FUT9: variants seen among roughly 807,000 people sequenced by gnomAD.
FUT9 encodes 4-galactosyl-N-acetylglucosaminide 3-alpha-L-fucosyltransferase 9.
A neutral mutation model predicts 29.7 loss-of-function variants in FUT9; 15 were observed. The ratio of observed to expected loss-of-function variants is 0.51; its 90% CI spans 0.34 to 0.78. FUT9 has a LOEUF of 0.78. Ranked by LOEUF, FUT9 falls within the 30% of genes least tolerant of loss-of-function variation. The pLI, the probability that FUT9 is intolerant of heterozygous loss-of-function variation, is 0.01. For missense variants in FUT9, 319 were observed against 425.4 expected (o/e 0.75, Z 2.20); for synonymous variants, 169 against 153.7 (o/e 1.10, Z -0.74).
Position 96,203,353 on chromosome 6 carries a change from T to A in FUT9, c.198T>A (p.Ile66=). 6.2e-7 allele frequency: 1 copy of A among 1,613,836 alleles called. No homozygotes were observed. The highest frequency in any genetic ancestry group is 2.2e-5 in the East Asian group (1 of 44,858). Residue 66 remains isoleucine (I), a synonymous_variant, in exon 3 of 3, where the codon ATT becomes ATA. Coordinates refer to ENST00000302103, the MANE Select transcript of FUT9 (RefSeq NM_006581.4). ...CTGATTATTTTAATGAAACTACTAT[T>A]CTGGTGTGGGTGTGGCCATTTGGGC... ...TKTDYFNETT[I]LVWVWPFGQT...
In FUT9 at chr6:96,203,477, A is replaced by T; in HGVS notation, c.322A>T (p.Ile108Phe). Residue 108 changes from isoleucine (I) to phenylalanine (F), a missense_variant, in exon 3 of 3, where the codon ATC becomes TTC. Transcript: ENST00000302103. ...SLYNKSHAVL[I>F]HHRDISWDLT... ...GTACAACAAATCCCATGCAGTTCTGATCCATCACCGAGACATCAGTTGGGA... is the reference window on the plus strand; with the variant it reads ...GTACAACAAATCCCATGCAGTTCTGTTCCATCACCGAGACATCAGTTGGGA... 6.2e-7 allele frequency: 1 copy of T among 1,610,344 alleles called. No homozygotes were observed. The highest frequency in any genetic ancestry group is 8.5e-7 in the Non-Finnish European group (1 of 1,178,002).
At chr6:96,082,585 A>T (rs1771254377) in intron 1 of FUT9, among the ~76,000 whole-genome samples, 1 of 151,912 alleles carries the variant, frequency 6.6e-6, no homozygotes. Context: ...TTCATCTGAT[A>T]CTTGAGTCTT....
chr6:96,094,192 C>T (rs1279477357), intron 1 of FUT9, among the ~76,000 whole-genome samples: 1 of 152,136 alleles, frequency 6.6e-6, no homozygotes, highest in South Asian at 2.1e-4. Context: ...AAATAAACAA[C>T]TCACAGGTTT....
intron 1 of FUT9, among the ~76,000 whole-genome samples, chr6:96,052,630 G>A (rs530935008): frequency 6.6e-6 from 1 of 152,164 alleles, no homozygotes; most frequent in Non-Finnish European, 1.5e-5. Flanking sequence ...AAGAAAATAG[G>A]ATTAGGAAGG....
chr6:96,121,077 G>A (rs551267694), intron 2 of FUT9, among the ~76,000 whole-genome samples: 1 of 152,226 alleles, frequency 6.6e-6, no homozygotes, highest in Non-Finnish European at 1.5e-5. Flanking sequence ...TGAGGATACA[G>A]TATTTTTACC....
In FUT9 at chr6:96,018,635, C is replaced by T. The variant is rs991123562; in HGVS notation, c.-98+2423C>T. Among the ~76,000 whole-genome samples the T allele has an allele frequency of 7.2e-5, 11 of 151,794 alleles. No homozygotes were observed. In the East Asian group the frequency reaches 1.7e-3, roughly 24 times the overall value. On this transcript the variant is annotated intron_variant, in intron 1 of 2. Transcript: ENST00000302103. Reference sequence around the variant, plus strand: ...TAATTATATGCCACCTAGAGGATGACGGGTTTAAGTATTTGCAATGTTAAA... The same window carrying T: ...TAATTATATGCCACCTAGAGGATGATGGGTTTAAGTATTTGCAATGTTAAA...
chr6:96,120,348 G>T (rs2127964553), intron 2 of FUT9, among the ~76,000 whole-genome samples: 1 of 141,678 alleles, frequency 7.1e-6, no homozygotes, highest in East Asian at 2.1e-4. Flanking sequence ...TCGGCCCAAT[G>T]CAAACTCCGC....
chr6:96,115,897 G>T (rs1436793863), intron 2 of FUT9, among the ~76,000 whole-genome samples: 3 of 151,976 alleles, frequency 2.0e-5, no homozygotes, highest in South Asian at 2.1e-4. Context: ...CCATGTACTT[G>T]CTTTGTTGTA....
intron 1 of FUT9, among the ~76,000 whole-genome samples, chr6:96,065,133 G>A (rs1562113674): frequency 2.6e-5 from 4 of 152,074 alleles, no homozygotes; most frequent in Admixed American, 1.3e-4. Context: ...CTAGTGTCAC[G>A]TCGTAACTCT....
intron 2 of FUT9, among the ~76,000 whole-genome samples, chr6:96,134,292 C>T (rs970922526): frequency 6.6e-6 from 1 of 151,746 alleles, no homozygotes; most frequent in African/African-American, 2.4e-5. Flanking sequence ...TCATACCATA[C>T]ATAATTTTAT....
At position 96,133,720 on chromosome 6, in the gene FUT9, G is replaced by A. The variant is rs1329158054; in HGVS notation, c.-9+19593G>A. ...ACCCCTCTCCTGGAGGGATTACAAA[G>A]TGTTAATTTACAGACTAACCTAAAG... On this transcript the variant is annotated intron_variant, in intron 2 of 2. Coordinates refer to ENST00000302103, the MANE Select transcript of FUT9 (RefSeq NM_006581.4). 2.6e-5 allele frequency among the ~76,000 whole-genome samples: 4 copies of A among 151,926 alleles called. No individual in the cohort carries two copies. The East Asian group carries it at 7.7e-4, about 29-fold the overall frequency.
At chr6:96,034,665 A>G (rs1770321109) in intron 1 of FUT9, among the ~76,000 whole-genome samples, 1 of 151,684 alleles carries the variant, frequency 6.6e-6, no homozygotes, top group Admixed American at 6.6e-5. Flanking sequence ...ACTTACTACA[A>G]TAAGGGCAAT....
In FUT9 at chr6:96,192,087, G is replaced by A. The variant is rs192186427; in HGVS notation, c.-8-11061G>A. On this transcript the variant is annotated intron_variant, in intron 2 of 2. Transcript: ENST00000302103. ...AAGAGCTATTTATGACAAACCCACA[G>A]CCAACATCACACTGAATGGGCAAAA... is the stretch of plus-strand genomic sequence containing the variant. Among the ~76,000 whole-genome samples the A allele has an allele frequency of 2.6e-5, 4 of 152,188 alleles. No individual in the cohort carries two copies. In the East Asian group the frequency reaches 7.7e-4, roughly 29 times the overall value.
chr6:96,152,981 T>C (rs1337375528), intron 2 of FUT9, among the ~76,000 whole-genome samples: 3 of 152,104 alleles, frequency 2.0e-5, no homozygotes, highest in Non-Finnish European at 4.4e-5. Flanking sequence ...CCAGGAAAAC[T>C]ACAGAAATCC....
intron 2 of FUT9, among the ~76,000 whole-genome samples, chr6:96,155,671 T>TA (rs796825725): frequency 3.4e-3 from 480 of 142,278 alleles, no homozygotes; most frequent in Non-Finnish European, 5.2e-3. Context: ...AGACTCCGTT[T>TA]AAAAAAAAAA....
intron 1 of FUT9, among the ~76,000 whole-genome samples, chr6:96,108,431 G>A (rs563219802): frequency 7.9e-5 from 12 of 152,206 alleles, no homozygotes; most frequent in African/African-American, 2.9e-4. Flanking sequence ...AACTGGAATA[G>A]TACTACTTCA....
chr6:96,203,116 T>C (rs1163284456), intron 2 of FUT9, 32 bp from the exon 3 acceptor site: 1 of 1,517,616 alleles, frequency 6.6e-7, no homozygotes, highest in South Asian at 1.2e-5. Flanking sequence ...TTCCCACCGC[T>C]ACCTCCCCTT....
chr6:96,078,405 C>CTGATTTTTTTTTTTTTTT (rs1201729276), intron 1 of FUT9, among the ~76,000 whole-genome samples: 4 of 45,226 alleles, frequency 8.8e-5, no homozygotes, highest in East Asian at 1.5e-3. Flanking sequence ...TCATATTAGT[C>CTGATTTTTTTTTTTTTTT]TTCTTTTTTT....
At chr6:96,172,961 G>C (rs1773140537) in intron 2 of FUT9, among the ~76,000 whole-genome samples, 2 of 152,110 alleles carry the variant, frequency 1.3e-5, no homozygotes. Context: ...TTTTTATAAG[G>C]CTGGAGTCAA....
Sources: gnomAD v4.1 joint callset for allele counts (sites outside exome capture counted in the v4.1 genomes callset) on GRCh38, gnomAD v4.1.1 for gene constraint, MANE v1.5 for transcripts, NCBI Gene and HGNC (gene_info 2026-07-23, HGNC 2026-07-21) for gene names.